IDH2: variants seen among roughly 807,000 people sequenced by gnomAD.
The protein encoded by IDH2 is isocitrate dehydrogenase (NADP(+)) 2.
In IDH2, 18 loss-of-function variants were observed where a neutral mutation model predicts 50.5. That is an observed-to-expected ratio of 0.36 (90% CI 0.25 to 0.53). The LOEUF (loss-of-function observed/expected upper bound fraction) is 0.53. IDH2 is among the 20% of genes least tolerant of loss of function. IDH2 has a pLI of 0.92. For missense variants in IDH2, 518 were observed against 610.7 expected (o/e 0.85, Z 1.60); for synonymous variants, 280 against 239.8 (o/e 1.17, Z -1.55).
Position 90,102,438 on chromosome 15 carries a change from G to T in IDH2, c.-48C>A. The T allele has an allele frequency of 9.3e-7, 1 of 1,076,980 alleles. No homozygotes were observed. The highest frequency in any genetic ancestry group is 1.2e-6 in the Non-Finnish European group (1 of 845,084). 66.7% of individuals were successfully genotyped at this position (1,076,980 alleles called of 1,614,324 possible). A position where few individuals can be genotyped will look rare whatever the true frequency, so the allele number is the denominator to read the frequency against. Reference sequence around the variant, plus strand: ...CAGGGCGGGAGAGGTCCGAGCGCGCGCCGCTCCTCCCGGCTGCCTGGCCGC... The same window carrying T: ...CAGGGCGGGAGAGGTCCGAGCGCGCTCCGCTCCTCCCGGCTGCCTGGCCGC... On this transcript the variant is annotated 5_prime_UTR_variant, in exon 1 of 11. Transcript: ENST00000330062.
chr15:90,093,305 A>G (rs949494738), intron 1 of IDH2, among the ~76,000 whole-genome samples: 1 of 152,280 alleles, frequency 6.6e-6, no homozygotes, highest in Non-Finnish European at 1.5e-5. Context: ...CTGGGGCTAC[A>G]GGCCCATGCC....
intron 7 of IDH2, among the ~76,000 whole-genome samples, chr15:90,086,455 G>A (rs964039634): frequency 2.0e-5 from 3 of 151,898 alleles, no homozygotes; most frequent in African/African-American, 7.3e-5. Flanking sequence ...GTGCAATGGC[G>A]CAATCTCGGC....
At chr15:90,086,665 A>G (rs1253038366) in intron 7 of IDH2, among the ~76,000 whole-genome samples, 7 of 152,032 alleles carry the variant, frequency 4.6e-5, no homozygotes, top group Admixed American at 2.6e-4. Context: ...TTTTACTGCA[A>G]TCTGATTTGT....
In IDH2 at chr15:90,091,708, C is replaced by T. The variant is rs114512980; in HGVS notation, c.116-64G>A. ...AGGCTGGAGGGGGGCCCTCTCCTCCCAGCCAGGCCCGCCCTTCACCAGGAG... is the reference window on the plus strand; with the variant it reads ...AGGCTGGAGGGGGGCCCTCTCCTCCTAGCCAGGCCCGCCCTTCACCAGGAG... On this transcript the variant is annotated intron_variant, in intron 1 of 10. Transcript: ENST00000330062. The T allele has an allele frequency of 1.2e-3, 1,620 of 1,345,496 alleles. 24 individuals carry two copies. In the African/African-American group the frequency reaches 0.021, roughly 17 times the overall value. The allele number at this position is 1,345,496 out of a possible 1,614,324, so 83.3% of individuals were successfully genotyped here.
chr15:90,091,415 G>A, intron 2 of IDH2, 138 bp downstream of exon 2: 3 of 735,806 alleles, frequency 4.1e-6, no homozygotes, highest in Non-Finnish European at 7.5e-6. Context: ...GGTAGACAGA[G>A]GGAGAGAAAC....
intron 1 of IDH2, among the ~76,000 whole-genome samples, chr15:90,099,020 AC>A: frequency 6.6e-6 from 1 of 151,928 alleles, no homozygotes; most frequent in East Asian, 1.9e-4. Flanking sequence ...TTTCCCCACT[AC>A]TGGCTCCTCC....
Position 90,102,350 on chromosome 15 carries a change from G to T in IDH2, c.41C>A (p.Ala14Asp). The T allele has an allele frequency of 2.2e-6, 3 of 1,368,138 alleles. No individual in the cohort carries two copies. Among genetic ancestry groups the T allele is most frequent in the Non-Finnish European group, 9.5e-7 (1 of 1,050,146 alleles). The allele number at this position is 1,368,138 out of a possible 1,614,324, so 84.7% of individuals were successfully genotyped here. ...CGCCCAGGCCGGCCGCGAGCCTGAG[G>T]CTCTGCAGAGCGAGCGCACGACCCG... ...YLRVVRSLCR[A>D]SGSRPAWAPA... Residue 14 changes from alanine to aspartate, a missense_variant, in exon 1 of 11, where the codon GCC becomes GAC. Physicochemically the swap from Ala to Asp is moderately radical, Grantham distance 126. This residue lies in a region of IDH2 where 85 missense variants were observed against 66.9 expected (regional missense o/e 1.27). Coordinates refer to ENST00000330062, the MANE Select transcript of IDH2 (RefSeq NM_002168.4).
chr15:90,088,253 T>C, intron 5 of IDH2, 106 bp downstream of exon 5: 1 of 1,440,362 alleles, frequency 6.9e-7, no homozygotes, highest in Non-Finnish European at 9.6e-7. Context: ...TTCTGCCTCT[T>C]TGTGGCCTAA....
Position 90,100,595 on chromosome 15 carries a change from C to T in IDH2, c.115+1681G>A, listed in dbSNP as rs186884788. 126 of 983,742 alleles carry T rather than the reference C, an allele frequency of 1.3e-4. No individual in the cohort carries two copies. In the African/African-American group the frequency reaches 2.1e-3, roughly 16 times the overall value. 60.9% of individuals were successfully genotyped at this position (983,742 alleles called of 1,614,324 possible). On this transcript the variant is annotated intron_variant, in intron 1 of 10. Coordinates refer to ENST00000330062, the MANE Select transcript of IDH2 (RefSeq NM_002168.4). The surrounding 1 kb of genome is among the most constrained non-coding windows in gnomAD (Gnocchi z 4.1). ...ACTTACCAGAAACATCACCAGCAGT[C>T]GCTGGAAGCCTATGGCGTTGCAAAA...
In IDH2 at chr15:90,088,740, C is replaced by T. The variant is rs2151549915; in HGVS notation, c.381G>A (p.Lys127=). 1 of 1,614,040 alleles carries T rather than the reference C, an allele frequency of 6.2e-7. No homozygotes were observed. The highest frequency in any genetic ancestry group is 8.5e-7 in the Non-Finnish European group (1 of 1,180,016). ...TGGGACTTTTCCACATCTTCTTCAG[C>T]TTGAACTCTGTGAGGACAGAGATAA... ...TPDEARVEEF[K]LKKMWKSPNG... Residue 127 remains lysine, a synonymous_variant, in exon 4 of 11, where the codon AAG becomes AAA. Coordinates refer to ENST00000330062, the MANE Select transcript of IDH2 (RefSeq NM_002168.4).
Position 90,084,959 on chromosome 15 carries a change from G to A in IDH2, c.1178+42C>T, listed in dbSNP as rs1027096352. 1.9e-6 allele frequency: 3 copies of A among 1,611,692 alleles called. No homozygotes were observed. Among genetic ancestry groups the A allele is most frequent in the East Asian group, 2.2e-5 (1 of 44,888 alleles). On this transcript the variant is annotated intron_variant, in intron 9 of 10. Transcript: ENST00000330062. This position sits in a 1 kb window ranked among gnomAD's most constrained non-coding sequence, Gnocchi z 5.0. ...CCCATCTGTGCAAGGGCAGGACCCA[G>A]AGCCTGTCCTGGGCAGCTCCGGCCT...
At chr15:90,101,439 T>A (rs1901328771) in intron 1 of IDH2, among the ~76,000 whole-genome samples, 1 of 152,132 alleles carries the variant, frequency 6.6e-6, no homozygotes, top group Non-Finnish European at 1.5e-5. Flanking sequence ...GCAGCCTGCG[T>A]TGGCAACGGA....
chr15:90,091,510 C>T, intron 2 of IDH2, 43 bp downstream of exon 2: 1 of 1,496,494 alleles, frequency 6.7e-7, no homozygotes, highest in Non-Finnish European at 9.3e-7. Context: ...CAATCCCTGG[C>T]CAGCCCACCT....
intron 1 of IDH2, among the ~76,000 whole-genome samples, chr15:90,101,978 C>A (rs892590471): frequency 6.6e-5 from 10 of 151,932 alleles, no homozygotes; most frequent in Non-Finnish European, 1.5e-4. Context: ...CTCTCAGGAC[C>A]CCCTCCCGAA....
intron 1 of IDH2, 127 bp downstream of exon 1, chr15:90,102,149 T>C (rs921304515): frequency 2.0e-5 from 7 of 348,340 alleles, no homozygotes; most frequent in African/African-American, 1.5e-4. Context: ...CCGCGGCCCT[T>C]TGTGCGCCTG....
chr15:90,084,186 G>A lies in IDH2; in HGVS notation c.*80C>T, dbSNP rs1396631004. ...AAAGGCCTCCAGAGAGGGGCTGTGA[G>A]GCTCACCCTCTGCCGCGCTCAGGAG... On this transcript the variant is annotated 3_prime_UTR_variant, in exon 11 of 11. Coordinates refer to ENST00000330062, the MANE Select transcript of IDH2 (RefSeq NM_002168.4). The surrounding 1 kb of genome is among the most constrained non-coding windows in gnomAD (Gnocchi z 5.0). 8 of 1,147,480 alleles carry A rather than the reference G, an allele frequency of 7.0e-6. No individual in the cohort carries two copies. Among genetic ancestry groups the A allele is most frequent in the Non-Finnish European group, 1.0e-5 (8 of 774,386 alleles). 71.1% of individuals were successfully genotyped at this position (1,147,480 alleles called of 1,614,324 possible). A position where few individuals can be genotyped will look rare whatever the true frequency, so the allele number is the denominator to read the frequency against.
At position 90,091,548 on chromosome 15, in the gene IDH2, A is replaced by G. The variant is rs1901036129; in HGVS notation, c.207+5T>C. The G allele has an allele frequency of 6.2e-7, 1 of 1,612,476 alleles. No homozygotes were observed. Among genetic ancestry groups the G allele is most frequent in the Non-Finnish European group, 8.5e-7 (1 of 1,178,446 alleles). On this transcript the variant is annotated splice_donor_5th_base_variant and intron_variant, in intron 2 of 10. Transcript: ENST00000330062. ...AGAGCCACCCACTTCAGGAGGGGGC[A>G]CTACCTTCTCCTTGATGAACTGCCA...
chr15:90,089,039 C>T (rs1167827591), intron 3 of IDH2, among the ~76,000 whole-genome samples: 1 of 151,598 alleles, frequency 6.6e-6, no homozygotes, highest in Non-Finnish European at 1.5e-5. Context: ...CTCAGCCTCC[C>T]GAGCAGCTGG....
chr15:90,088,671 C>T lies in IDH2; in HGVS notation c.450G>A (p.Glu150=), dbSNP rs1376123165. The T allele has an allele frequency of 2.5e-6, 4 of 1,614,018 alleles. No homozygotes were observed. The highest frequency in any genetic ancestry group is 2.7e-5 in the African/African-American group (2 of 74,906). ...GTGGGATGTTTTTGCAGATGATGGG[C>T]TCCCGGAAGACAGTCCCCCCCAGGA... ...RNILGGTVFR[E]PIICKNIPRL... Residue 150 remains glutamate (E), a synonymous_variant, in exon 4 of 11, where the codon GAG becomes GAA. Coordinates refer to ENST00000330062, the MANE Select transcript of IDH2 (RefSeq NM_002168.4).
Sources: gnomAD v4.1 joint callset for allele counts (sites outside exome capture counted in the v4.1 genomes callset) on GRCh38, gnomAD v4.1.1 for gene constraint, gnomAD v4.1.1 regional missense constraint, Gnocchi (gnomAD v3.1) non-coding constraint, MANE v1.5 for transcripts, NCBI Gene and HGNC (gene_info 2026-07-23, HGNC 2026-07-21) for gene names.